The following MYCBP2 variants were observed in gnomAD, a reference collection of about 807,000 sequenced individuals.
The protein encoded by MYCBP2 is E3 ubiquitin-protein ligase MYCBP2.
MYCBP2 carries 120 observed loss-of-function variants against 525.3 expected under a neutral mutation model. The ratio of observed to expected loss-of-function variants is 0.23; its 90% CI spans 0.20 to 0.27. The LOEUF (loss-of-function observed/expected upper bound fraction) is 0.27. Among genes scored for constraint, MYCBP2 ranks in the 10% least tolerant of loss-of-function variants. The pLI is 1.00. For synonymous variants in MYCBP2, 1,894 were observed against 1,955.8 expected (o/e 0.97, Z 0.83); for missense variants, 4,149 against 5,657.1 (o/e 0.73, Z 8.55).
chr13:77,080,860 T>A (rs1349577483), intron 65 of MYCBP2: 1 of 152,080 alleles, frequency 6.6e-6, no homozygotes, highest in Non-Finnish European at 1.5e-5. Flanking sequence ...GAGAATCGTT[T>A]GAACCTGGAG....
intron 55 of MYCBP2, among the ~76,000 whole-genome samples, chr13:77,115,121 A>G (rs1332829537): frequency 6.6e-6 from 1 of 151,954 alleles, no homozygotes; most frequent in East Asian, 1.9e-4. Flanking sequence ...ACAAGATCTT[A>G]AATTGATGAA....
chr13:77,198,359 T>C (rs2061992614), intron 26 of MYCBP2, among the ~76,000 whole-genome samples: 1 of 152,238 alleles, frequency 6.6e-6, no homozygotes, highest in African/African-American at 2.4e-5. Context: ...TTCTTTAAGT[T>C]TGTCAGTTCT....
intron 4 of MYCBP2, among the ~76,000 whole-genome samples, chr13:77,274,119 T>C (rs944913529): frequency 6.6e-6 from 1 of 152,186 alleles, no homozygotes; most frequent in Non-Finnish European, 1.5e-5. Flanking sequence ...GGCTATATCA[T>C]TAACATAATA....
At chr13:77,085,723 C>A (rs2044136442) in intron 62 of MYCBP2, among the ~76,000 whole-genome samples, 1 of 152,280 alleles carries the variant, frequency 6.6e-6, no homozygotes, top group East Asian at 1.9e-4. Context: ...GGCATCTGAA[C>A]AAACCTAGGC....
chr13:77,067,286 A>C (rs2040374648), intron 71 of MYCBP2, among the ~76,000 whole-genome samples: 1 of 152,206 alleles, frequency 6.6e-6, no homozygotes, highest in Admixed American at 6.5e-5. Flanking sequence ...GCAAAAAAAC[A>C]TATTACCTAA....
Position 77,125,457 on chromosome 13 carries a change from A to C in MYCBP2, c.7896T>G (p.Ser2632=). 1 of 1,613,624 alleles carries C rather than the reference A, an allele frequency of 6.2e-7. No homozygotes were observed. Among genetic ancestry groups the C allele is most frequent in the Non-Finnish European group, 8.5e-7 (1 of 1,179,686 alleles). The change falls in exon 54 of 83, where the codon TCT becomes TCG. Residue 2632 remains serine, a synonymous_variant. Transcript: ENST00000544440. ...KVKAVGEVTN[S]EGTWVQLDQN... ...GATCCAGTTGCACCCATGTCCCTTC[A>C]GAATTGGTTACCTGGTACATAACAA...
chr13:77,100,271 T>C (rs1289125915), intron 55 of MYCBP2: 2 of 152,052 alleles, frequency 1.3e-5, no homozygotes, highest in South Asian at 2.1e-4. Flanking sequence ...TAAGTGTGTA[T>C]AGTCACGCTC....
chr13:77,190,190 G>T (rs995362901), intron 29 of MYCBP2, 62 bp downstream of exon 29: 11 of 1,066,368 alleles, frequency 1.0e-5, no homozygotes, highest in Non-Finnish European at 1.5e-5. Flanking sequence ...GTTTTGTAAT[G>T]ATTCTACTTC....
chr13:77,200,361 G>A (rs572894583), intron 26 of MYCBP2, among the ~76,000 whole-genome samples: 6 of 152,142 alleles, frequency 3.9e-5, no homozygotes, highest in South Asian at 2.1e-4. Flanking sequence ...AAAAAGAAAC[G>A]AACAAAGCCT....
At chr13:77,167,762 TAAGAC>T (rs1190619972) in intron 40 of MYCBP2, among the ~76,000 whole-genome samples, 2 of 152,212 alleles carry the variant, frequency 1.3e-5, no homozygotes, top group African/African-American at 4.8e-5. Context: ...TGGGAATAAA[TAAGAC>T]AGGTCTGACT....
intron 27 of MYCBP2, among the ~76,000 whole-genome samples, chr13:77,192,956 C>A (rs1223961079): frequency 1.3e-5 from 2 of 151,976 alleles, no homozygotes; most frequent in Non-Finnish European, 2.9e-5. Flanking sequence ...TGGTAAAACC[C>A]CATCTCTACT....
chr13:77,266,648 T>C (rs2074121443), intron 8 of MYCBP2, among the ~76,000 whole-genome samples: 2 of 151,238 alleles, frequency 1.3e-5, no homozygotes, highest in Admixed American at 1.3e-4. Context: ...TGTATAAATA[T>C]GTGGGGGGAG....
intron 55 of MYCBP2, among the ~76,000 whole-genome samples, chr13:77,114,497 T>C (rs1468555688): frequency 6.6e-6 from 1 of 152,096 alleles, no homozygotes; most frequent in Non-Finnish European, 1.5e-5. Context: ...ACAAGCTAAG[T>C]AAACATAGTA....
At chr13:77,231,560 C>G (rs1341264706) in intron 18 of MYCBP2, among the ~76,000 whole-genome samples, 1 of 152,162 alleles carries the variant, frequency 6.6e-6, no homozygotes, top group East Asian at 1.9e-4. Context: ...TGAATAATTT[C>G]TATAGCCAAT....
At chr13:77,166,598 A>G (rs1566778922) in intron 40 of MYCBP2, 44 bp from the exon 41 acceptor site, 1 of 1,267,898 alleles carries the variant, frequency 7.9e-7, no homozygotes, top group African/African-American at 1.5e-5. Context: ...ATATATATAT[A>G]CACAAACATA....
At chr13:77,133,850 C>G (rs1309945839) in intron 52 of MYCBP2, among the ~76,000 whole-genome samples, 2 of 152,196 alleles carry the variant, frequency 1.3e-5, no homozygotes, top group Non-Finnish European at 2.9e-5. Flanking sequence ...CATTCCACAA[C>G]TTATCACAAT....
chr13:77,181,474 G>A (rs534387546), intron 33 of MYCBP2, among the ~76,000 whole-genome samples: 5 of 151,890 alleles, frequency 3.3e-5, no homozygotes, highest in Non-Finnish European at 5.9e-5. Context: ...TGATTAAACC[G>A]TTAGAGCAAA....
chr13:77,290,389 T>C (rs992915739), intron 2 of MYCBP2, among the ~76,000 whole-genome samples: 1 of 152,210 alleles, frequency 6.6e-6, no homozygotes, highest in Non-Finnish European at 1.5e-5. Flanking sequence ...TAAAAACTTA[T>C]GTTCACACAA....
chr13:77,221,968 T>C (rs1012920941), intron 20 of MYCBP2, among the ~76,000 whole-genome samples: 2 of 152,196 alleles, frequency 1.3e-5, no homozygotes, highest in Non-Finnish European at 2.9e-5. Context: ...TAATACAATG[T>C]AAACACCATG....
Sources: gnomAD v4.1 joint callset for allele counts (sites outside exome capture counted in the v4.1 genomes callset) on GRCh38, gnomAD v4.1.1 for gene constraint, MANE v1.5 for transcripts, NCBI Gene and HGNC (gene_info 2026-07-23, HGNC 2026-07-21) for gene names.